MINDY2: variants seen among roughly 807,000 people sequenced by gnomAD.
MINDY2 encodes the protein MINDY lysine 48 deubiquitinase 2, also known as ubiquitin carboxyl-terminal hydrolase MINDY-2.
In MINDY2, 52 loss-of-function variants were observed where a neutral mutation model predicts 68.2. That is an observed-to-expected ratio of 0.76 (90% CI 0.61 to 0.96). The LOEUF is 0.96. Among genes scored for constraint, MINDY2 ranks in the 40% least tolerant of loss-of-function variants. The probability of loss-of-function intolerance (pLI) is 0.00; values close to 1 mark genes in which losing one functional copy is unlikely to be tolerated. For synonymous variants in MINDY2, 372 were observed against 303.0 expected, an observed-to-expected ratio of 1.23 and a Z score of -2.36; for missense variants, 881 against 773.4, an observed-to-expected ratio of 1.14 and a Z score of -1.65.
chr15:58,778,550 CCT>C (rs1900921616), intron 1 of MINDY2, among the ~76,000 whole-genome samples: 1 of 150,256 alleles, frequency 6.7e-6, no homozygotes, highest in Non-Finnish European at 1.5e-5. Flanking sequence ...AAAAAAAAAA[CCT>C]CACCATAAAC....
At chr15:58,827,556 C>T (rs943199047) in intron 5 of MINDY2, among the ~76,000 whole-genome samples, 10 of 152,108 alleles carry the variant, frequency 6.6e-5, no homozygotes, top group Non-Finnish European at 1.0e-4. Flanking sequence ...CTCCGCCTTC[C>T]GGGTTCATGC....
intron 6 of MINDY2, among the ~76,000 whole-genome samples, chr15:58,832,429 A>T (rs1051297643): frequency 9.9e-5 from 15 of 151,178 alleles, no homozygotes; most frequent in African/African-American, 3.4e-4. Flanking sequence ...GGGTTTCTCC[A>T]TGTTGGTCAG....
intron 3 of MINDY2, among the ~76,000 whole-genome samples, chr15:58,803,341 G>A (rs144330063): frequency 7.2e-5 from 11 of 151,954 alleles, no homozygotes; most frequent in African/African-American, 1.7e-4. Flanking sequence ...GGTGATGCGC[G>A]CCTGTAGTCC....
intron 4 of MINDY2, among the ~76,000 whole-genome samples, chr15:58,818,953 G>A (rs1397783142): frequency 6.6e-6 from 1 of 151,748 alleles, no homozygotes; most frequent in African/African-American, 2.4e-5. Context: ...TTGATCTTGT[G>A]TTTATTATTG....
At position 58,771,923 on chromosome 15, in the gene MINDY2, G is replaced by C; in HGVS notation, c.528G>C (p.Leu176=). 1 of 1,555,830 alleles carries C rather than the reference G, an allele frequency of 6.4e-7. No homozygotes were observed. The highest frequency in any genetic ancestry group is 2.0e-5 in the Admixed American group (1 of 50,890). ...GGGAATCTCCGAGCCTGGACTCTCT[G>C]GAGTCGTTCTCTAACCTGCATTCTT... is the stretch of plus-strand genomic sequence containing the variant. ...PPGESPSLDS[L]ESFSNLHSFP... The change falls in exon 1 of 9, where the codon CTG becomes CTC. Residue 176 remains leucine (L), a synonymous_variant. Coordinates refer to ENST00000559228, the MANE Select transcript of MINDY2 (RefSeq NM_001040450.3).
chr15:58,812,999 T>C (rs533949923), intron 4 of MINDY2, among the ~76,000 whole-genome samples: 5 of 152,342 alleles, frequency 3.3e-5, no homozygotes, highest in African/African-American at 1.2e-4. Flanking sequence ...TGACAACCAC[T>C]AATCTTTCTC....
chr15:58,831,891 A>C lies in MINDY2; in HGVS notation c.1343A>C (p.His448Pro). The C allele has an allele frequency of 6.2e-7, 1 of 1,613,270 alleles. No individual in the cohort carries two copies. The highest frequency in any genetic ancestry group is 8.5e-7 in the Non-Finnish European group (1 of 1,179,702). ...GELCVFFRNN[H>P]FSTMTKYKGQ... ...CTTTGTGTGTTCTTTCGGAATAATC[A>C]TTTTAGCACCATGACCAAATACAAG... Residue 448 changes from histidine (H) to proline (P), a missense_variant, in exon 6 of 9, where the codon CAT becomes CCT. Physicochemically the swap from His to Pro is moderately conservative, Grantham distance 77. Coordinates refer to ENST00000559228, the MANE Select transcript of MINDY2 (RefSeq NM_001040450.3).
At chr15:58,789,115 A>C (rs888654213) in intron 2 of MINDY2, among the ~76,000 whole-genome samples, 2 of 152,244 alleles carry the variant, frequency 1.3e-5, no homozygotes, top group Admixed American at 1.3e-4. Flanking sequence ...AGGCGGGCCG[A>C]TCACAAGGTC....
At chr15:58,798,220 A>C (rs1375131100) in intron 2 of MINDY2, among the ~76,000 whole-genome samples, 3 of 151,784 alleles carry the variant, frequency 2.0e-5, no homozygotes, top group Non-Finnish European at 2.9e-5. Flanking sequence ...AAGCTCAAGC[A>C]ATTCTCCTGC....
chr15:58,842,308 T>A (rs2032323668), intron 6 of MINDY2, among the ~76,000 whole-genome samples: 1 of 152,130 alleles, frequency 6.6e-6, no homozygotes, highest in Non-Finnish European at 1.5e-5. Flanking sequence ...ATGAGGTTGG[T>A]TCTGTTTGCT....
intron 4 of MINDY2, among the ~76,000 whole-genome samples, chr15:58,816,875 G>A (rs534289188): frequency 6.6e-6 from 1 of 152,188 alleles, no homozygotes; most frequent in Non-Finnish European, 1.5e-5. Flanking sequence ...ATCACTTAAG[G>A]CCAGGAGTTT....
intron 3 of MINDY2, among the ~76,000 whole-genome samples, chr15:58,806,543 A>G (rs763388609): frequency 1.3e-5 from 2 of 151,876 alleles, no homozygotes; most frequent in Non-Finnish European, 1.5e-5. Context: ...CGTTTTATTA[A>G]TCTTTATGAA....
chr15:58,827,062 A>G (rs1330393813), intron 5 of MINDY2, among the ~76,000 whole-genome samples: 3 of 152,264 alleles, frequency 2.0e-5, no homozygotes, highest in Non-Finnish European at 1.5e-5. Context: ...CAGGTTATAT[A>G]TTTTTGGCAG....
In MINDY2 at chr15:58,771,732, G is replaced by A. The variant is rs770192873; in HGVS notation, c.337G>A (p.Glu113Lys). Residue 113 changes from glutamate to lysine, a missense_variant, in exon 1 of 9, where the codon GAG (glutamate) becomes AAG (lysine). Coordinates refer to ENST00000559228, the MANE Select transcript of MINDY2 (RefSeq NM_001040450.3). ...RGQYKVTASPETAVAGVGHEL... is the reference protein window; with the variant it reads ...RGQYKVTASPKTAVAGVGHEL... The stretch of plus-strand genomic sequence containing the variant: ...GCAGTACAAGGTGACCGCCTCCCCG[G>A]AGACAGCCGTGGCCGGAGTGGGTCA... 2 of 1,612,008 alleles carry A rather than the reference G, an allele frequency of 1.2e-6. No individual in the cohort carries two copies. The highest frequency in any genetic ancestry group is 1.7e-6 in the Non-Finnish European group (2 of 1,179,662).
At chr15:58,791,622 ATGTGTGTGTG>A (rs368688031) in intron 2 of MINDY2, among the ~76,000 whole-genome samples, 1,526 of 136,748 alleles carry the variant, frequency 0.011, 32 homozygotes, top group African/African-American at 0.04. Context: ...GTCTCAAAAT[ATGTGTGTGTG>A]TGTGTGTGTG....
In MINDY2 at chr15:58,822,146, C is replaced by T. The variant is rs927732807; in HGVS notation, c.1225+327C>T. ...TTGCATGCCTGTAATCCCAGCTACTCAGGAGGCTGAGGCAGGAGAATCGCT... is the reference window on the plus strand; with the variant it reads ...TTGCATGCCTGTAATCCCAGCTACTTAGGAGGCTGAGGCAGGAGAATCGCT... On this transcript the variant is annotated intron_variant, in intron 5 of 8. Coordinates refer to ENST00000559228, the MANE Select transcript of MINDY2 (RefSeq NM_001040450.3). Among the ~76,000 whole-genome samples the T allele has an allele frequency of 5.3e-5, 8 of 151,876 alleles. No homozygotes were observed. The East Asian group carries it at 1.2e-3, about 22-fold the overall frequency.
chr15:58,786,268 T>C (rs906282187), intron 1 of MINDY2, among the ~76,000 whole-genome samples: 2 of 152,232 alleles, frequency 1.3e-5, no homozygotes, highest in African/African-American at 4.8e-5. Flanking sequence ...AATTGCTGAT[T>C]TAAAGGATTT....
intron 6 of MINDY2, among the ~76,000 whole-genome samples, chr15:58,841,565 T>C (rs1322588658): frequency 1.3e-5 from 2 of 151,834 alleles, no homozygotes; most frequent in Non-Finnish European, 2.9e-5. Flanking sequence ...ACCACCATGC[T>C]TGGCTAATTT....
chr15:58,791,215 T>TTTTATATATATATATA (rs1344616079), intron 2 of MINDY2, among the ~76,000 whole-genome samples: 6 of 79,612 alleles, frequency 7.5e-5, no homozygotes, highest in Non-Finnish European at 1.9e-4. Flanking sequence ...GAAAGCAATT[T>TTTTATATATATATATA]TATATATATA....
Sources: gnomAD v4.1 joint callset for allele counts (sites outside exome capture counted in the v4.1 genomes callset) on GRCh38, gnomAD v4.1.1 for gene constraint, MANE v1.5 for transcripts, NCBI Gene and HGNC (gene_info 2026-07-23, HGNC 2026-07-21) for gene names.